CCDC197: variants seen among roughly 807,000 people sequenced by gnomAD.
CCDC197 encodes coiled-coil domain containing 197.
In CCDC197, 24 loss-of-function variants were observed where a neutral mutation model predicts 13.4. The observed-to-expected ratio is 1.80, with a 90% CI of 1.30 to 2.53. The LOEUF (loss-of-function observed/expected upper bound fraction) is 2.53. Among genes scored for constraint, CCDC197 ranks in the 30% most tolerant of loss-of-function variants. The probability of loss-of-function intolerance (pLI) is 0.00; values close to 1 mark genes in which losing one functional copy is unlikely to be tolerated. For missense variants in CCDC197, 255 were observed against 148.8 expected (o/e 1.71, Z -3.71); for synonymous variants, 99 against 55.5 (o/e 1.78, Z -3.48).
upstream of CCDC197, among the ~76,000 whole-genome samples, chr14:93,995,908 C>T (rs868329361): frequency 1.6e-4 from 24 of 152,334 alleles, no homozygotes; most frequent in African/African-American, 4.6e-4. Context: ...TCACCAGCCA[C>T]GGTCCAAACC....
At position 94,003,058 on chromosome 14, in the gene CCDC197, T is replaced by C. The variant is rs1434512856; in HGVS notation, c.367-165T>C. 6.6e-6 allele frequency among the ~76,000 whole-genome samples: 1 copy of C among 152,054 alleles called. No individual in the cohort carries two copies. Among genetic ancestry groups the C allele is most frequent in the Non-Finnish European group, 1.5e-5 (1 of 68,016 alleles). On this transcript the variant is annotated intron_variant, in intron 4 of 6. Transcript: ENST00000636493. The surrounding 1 kb of genome is among the most constrained non-coding windows in gnomAD (Gnocchi z 5.0). ...GGGGCTCAGGTAAACTCCATCAGCC[T>C]GGACACGCCCTTTTCTGCATCTCTG...
At chr14:94,007,776 G>A (rs1008338690) in intron 6 of CCDC197, among the ~76,000 whole-genome samples, 2 of 152,200 alleles carry the variant, frequency 1.3e-5, no homozygotes, top group Non-Finnish European at 2.9e-5. Context: ...ATTTGAGGCA[G>A]GTTCCGTGCA....
At chr14:94,008,402 C>T (rs1328090275) in intron 6 of CCDC197, among the ~76,000 whole-genome samples, 1 of 152,208 alleles carries the variant, frequency 6.6e-6, no homozygotes, top group East Asian at 1.9e-4. Flanking sequence ...CTCTGTCACT[C>T]CTGGCTGTGC....
intron 4 of CCDC197, 23 bp downstream of exon 4, chr14:94,001,346 T>C: frequency 1.4e-6 from 1 of 734,970 alleles, no homozygotes; most frequent in Non-Finnish European, 2.5e-6. Context: ...TGAAGTCTGC[T>C]CCATTCCCCG....
At position 93,998,239 on chromosome 14, in the gene CCDC197, T is replaced by C. The variant is rs1890381254; in HGVS notation, c.104+4T>C. On this transcript the variant is annotated splice_donor_region_variant and intron_variant, in intron 2 of 6. Transcript: ENST00000636493. Reference sequence around the variant, plus strand: ...AACTCTACCAGCTCCAGGCTAAGTATGTGTTGTCCCACCCCTGCCCCAGCC... The same window carrying C: ...AACTCTACCAGCTCCAGGCTAAGTACGTGTTGTCCCACCCCTGCCCCAGCC... The C allele has an allele frequency of 1.3e-6, 1 of 779,194 alleles. No individual in the cohort carries two copies. Among genetic ancestry groups the C allele is most frequent in the Non-Finnish European group, 2.4e-6 (1 of 418,098 alleles). 48.3% of individuals were successfully genotyped at this position (779,194 alleles called of 1,614,324 possible). A position where few individuals can be genotyped will look rare whatever the true frequency, so the allele number is the denominator to read the frequency against.
intron 4 of CCDC197, among the ~76,000 whole-genome samples, chr14:94,002,851 C>CA (rs759127379): frequency 0.15 from 16,398 of 107,778 alleles, 1,252 homozygotes; most frequent in African/African-American, 0.2. Flanking sequence ...GAGACTGTCT[C>CA]AAAAAAAAAA....
At chr14:93,998,374 T>C (rs1890386856) in intron 2 of CCDC197, 139 bp downstream of exon 2, 1 of 655,556 alleles carries the variant, frequency 1.5e-6, no homozygotes, top group Admixed American at 2.1e-5. Flanking sequence ...TGGAAGCAAA[T>C]GGGCGGGGTG....
chr14:93,994,813 T>C (rs1463825182), upstream of CCDC197, among the ~76,000 whole-genome samples: 1 of 152,150 alleles, frequency 6.6e-6, no homozygotes, highest in African/African-American at 2.4e-5. Context: ...GGAGGGTCAG[T>C]GGTCTGACTG....
chr14:94,000,373 G>A (rs1172375806), intron 3 of CCDC197, among the ~76,000 whole-genome samples: 3 of 152,114 alleles, frequency 2.0e-5, no homozygotes, highest in African/African-American at 4.8e-5. Context: ...ACTCTGGTCC[G>A]TCTGACTTCA....
chr14:93,999,643 G>A lies in CCDC197; in HGVS notation c.165G>A (p.Lys55=), dbSNP rs776053668. Residue 55 remains lysine, a synonymous_variant, in exon 3 of 7, where the codon AAG becomes AAA. Transcript: ENST00000636493. ...KHKLFEDYLI[K]VLEKIPEGCT... is the part of the protein sequence containing the mutation. ...AGCTTTTTGAAGACTATCTGATTAA[G>A]GTCCTTGAGAAAATCCCCGAGGGTA... 3.8e-6 allele frequency: 3 copies of A among 780,932 alleles called. No homozygotes were observed. The African/African-American group carries it at 5.1e-5, about 13-fold the overall frequency. The allele number at this position is 780,932 out of a possible 1,614,324, so 48.4% of individuals were successfully genotyped here. A position where few individuals can be genotyped will look rare whatever the true frequency, so the allele number is the denominator to read the frequency against.
rs537889543 is a variant in CCDC197, at chr14:94,000,755, C to T, written c.188-390C>T. The T allele has an allele frequency of 3.7e-5, 6 of 163,914 alleles. No homozygotes were observed. The East Asian group carries it at 9.2e-4, about 25-fold the overall frequency. 10.2% of individuals were successfully genotyped at this position (163,914 alleles called of 1,614,324 possible). A position where few individuals can be genotyped will look rare whatever the true frequency, so the allele number is the denominator to read the frequency against. ...AATTCAGCAATTCTGCCCTGTTCAA[C>T]CCATCCAAAATGCATAACCACCAGG... On this transcript the variant is annotated intron_variant, in intron 3 of 6. Transcript: ENST00000636493.
intron 1 of CCDC197, among the ~76,000 whole-genome samples, chr14:93,990,379 C>G (rs891654612): frequency 6.6e-6 from 1 of 152,178 alleles, no homozygotes; most frequent in Non-Finnish European, 1.5e-5. Context: ...TACTTGACCT[C>G]GTTAGCCGTG....
downstream of CCDC197, among the ~76,000 whole-genome samples, chr14:94,009,287 T>C (rs1291993317): frequency 1.3e-5 from 2 of 152,264 alleles, no homozygotes; most frequent in Middle Eastern, 3.4e-3. Flanking sequence ...GTAGGGGGCA[T>C]CTCATCACTT....
intron 6 of CCDC197, among the ~76,000 whole-genome samples, chr14:94,007,880 T>C (rs74074323): frequency 0.012 from 1,897 of 152,340 alleles, 31 homozygotes; most frequent in African/African-American, 0.036. Flanking sequence ...TGAGCAAGCC[T>C]GTGGCTCAGT....
intron 6 of CCDC197, among the ~76,000 whole-genome samples, chr14:94,007,884 G>A (rs1890729673): frequency 6.6e-6 from 1 of 152,218 alleles, no homozygotes; most frequent in African/African-American, 2.4e-5. Context: ...CAAGCCTGTG[G>A]CTCAGTTCAG....
chr14:94,004,307 C>T (rs1433516357), intron 5 of CCDC197, among the ~76,000 whole-genome samples: 1 of 152,212 alleles, frequency 6.6e-6, no homozygotes, highest in Non-Finnish European at 1.5e-5. Flanking sequence ...GCTGGGCACA[C>T]CTTCCCTGCA....
upstream of CCDC197, among the ~76,000 whole-genome samples, chr14:93,994,456 A>G: frequency 6.6e-6 from 1 of 152,276 alleles, no homozygotes; most frequent in African/African-American, 2.4e-5. Context: ...ACTCCCAGTA[A>G]AGAGTCAGGC....
chr14:94,003,375 T>TG lies in CCDC197; in HGVS notation c.498+26dup. 2.4e-6 allele frequency: 1 copy of TG among 418,566 alleles called. No homozygotes were observed. 25.9% of individuals were successfully genotyped at this position (418,566 alleles called of 1,614,324 possible). On this transcript the variant is annotated intron_variant, in intron 5 of 6. Coordinates refer to ENST00000636493, the MANE Select transcript of CCDC197 (RefSeq NM_001351596.2). This position sits in a 1 kb window ranked among gnomAD's most constrained non-coding sequence, Gnocchi z 5.0. Reference sequence around the variant, plus strand: ...ATAATGTGAGTCCAGTCTTTCAGCCTGGGGGTGGGGTTAGGGGTGGGGAAG... The same window carrying TG: ...ATAATGTGAGTCCAGTCTTTCAGCCTGGGGGGTGGGGTTAGGGGTGGGGAAG...
chr14:93,991,748 G>A (rs1187398901), intron 1 of CCDC197, among the ~76,000 whole-genome samples: 2 of 152,190 alleles, frequency 1.3e-5, no homozygotes, highest in Non-Finnish European at 2.9e-5. Flanking sequence ...AGGCCACTCT[G>A]AGGAGGAGCT....
Sources: gnomAD v4.1 joint callset for allele counts (sites outside exome capture counted in the v4.1 genomes callset) on GRCh38, gnomAD v4.1.1 for gene constraint, Gnocchi (gnomAD v3.1) non-coding constraint, MANE v1.5 for transcripts, NCBI Gene and HGNC (gene_info 2026-07-23, HGNC 2026-07-21) for gene names.